ODC1: variants seen among roughly 807,000 people sequenced by gnomAD.
ODC1 encodes ornithine decarboxylase 1.
In ODC1, 18 loss-of-function variants were observed where a neutral mutation model predicts 41.5. The ratio of observed to expected loss-of-function variants is 0.43; its 90% CI spans 0.30 to 0.64. The LOEUF is 0.64. Ranked by LOEUF, ODC1 falls within the 30% of genes least tolerant of loss-of-function variation. ODC1 has a pLI of 0.11. For missense variants in ODC1, 504 were observed against 589.0 expected (o/e 0.86, Z 1.49); for synonymous variants, 218 against 211.6 (o/e 1.03, Z -0.26).
rs1401024355 is a variant in ODC1 at position 10,441,850 on chromosome 2, A to G, written c.993T>C (p.Tyr331=). The G allele has an allele frequency of 1.9e-6, 3 of 1,614,204 alleles. No homozygotes were observed. Among genetic ancestry groups the G allele is most frequent in the Middle Eastern group, 1.6e-4 (1 of 6,062 alleles). The change falls in exon 10 of 12, where the codon TAT becomes TAC. Residue 331 remains tyrosine (Y), a synonymous_variant. Transcript: ENST00000234111. ...GAAGGGGCTTTACATGTGCGTGGTC[A>G]TAGAGTATGCAATTAAATGATCCAT... ...GVYGSFNCIL[Y]DHAHVKPLLQ...
At position 10,445,182 on chromosome 2, in the gene ODC1, G is replaced by A; in HGVS notation, c.-45C>T. 1 of 581,526 alleles carries A rather than the reference G, an allele frequency of 1.7e-6. No homozygotes were observed. Among genetic ancestry groups the A allele is most frequent in the South Asian group, 2.0e-5 (1 of 49,386 alleles). The allele number at this position is 581,526 out of a possible 1,614,324, so 36.0% of individuals were successfully genotyped here. ...GGAAAACTAAGAGATGGAATTGAAA[G>A]AAATATTTCCAGCTTCTCACAAAGG... On this transcript the variant is annotated 5_prime_UTR_variant, in exon 2 of 12. Coordinates refer to ENST00000234111, the MANE Select transcript of ODC1 (RefSeq NM_002539.3).
intron 3 of ODC1, 50 bp downstream of exon 3, chr2:10,444,881 C>T: frequency 7.3e-7 from 1 of 1,372,660 alleles, no homozygotes; most frequent in South Asian, 1.2e-5. Flanking sequence ...AAGTTTTCCA[C>T]TTGCCTGGCA....
chr2:10,444,470 T>C lies in ODC1; in HGVS notation c.276+4A>G. The C allele has an allele frequency of 6.2e-7, 1 of 1,604,844 alleles. No homozygotes were observed. Among genetic ancestry groups the C allele is most frequent in the South Asian group, 1.1e-5 (1 of 89,930 alleles). On this transcript the variant is annotated splice_donor_region_variant and intron_variant, in intron 4 of 11. Coordinates refer to ENST00000234111, the MANE Select transcript of ODC1 (RefSeq NM_002539.3). ...CGCTTTTGAGGCCTGCTGCTATCGC[T>C]TACCTTGCTAGCACAGTCAAATCCT...
At chr2:10,444,769 ATGAG>A (rs1671953413) in intron 3 of ODC1, 122 bp from the exon 4 acceptor site, 5 of 890,614 alleles carry the variant, frequency 5.6e-6, no homozygotes, top group Non-Finnish European at 8.8e-6. Flanking sequence ...AGCCACTGAT[ATGAG>A]TATCACCATT....
chr2:10,447,550 TTAAA>T (rs1672066433), intron 1 of ODC1: 1 of 152,290 alleles, frequency 6.6e-6, no homozygotes, highest in African/African-American at 2.4e-5. Context: ...TTCACAGTCC[TTAAA>T]TAAACACCTC....
chr2:10,446,780 C>G (rs942766598), intron 1 of ODC1: 10 of 439,154 alleles, frequency 2.3e-5, no homozygotes, highest in Non-Finnish European at 4.0e-5. Flanking sequence ...TTCGGGGACA[C>G]AGTTTGCTCT....
At chr2:10,441,950 T>A in intron 9 of ODC1, 21 bp from the exon 10 acceptor site, 2 of 1,613,484 alleles carry the variant, frequency 1.2e-6, no homozygotes, top group Non-Finnish European at 1.7e-6. Flanking sequence ...AGATCAACAA[T>A]CTTAATGACT....
chr2:10,442,019 G>A lies in ODC1; in HGVS notation c.906C>T (p.Gly302=), dbSNP rs1047415770. 2.5e-6 allele frequency: 4 copies of A among 1,613,402 alleles called. No individual in the cohort carries two copies. The highest frequency in any genetic ancestry group is 3.4e-6 in the Non-Finnish European group (4 of 1,179,586). ...AKKIVLKEQT[G]SDDEDESSEQ... ...TTCGTCCTTTATACATACCATCAGA[G>A]CCCGTCTGTTCCTTTAATACAATTT... The change falls in exon 9 of 12, where the codon GGC becomes GGT. Residue 302 remains glycine, a synonymous_variant. Coordinates refer to ENST00000234111, the MANE Select transcript of ODC1 (RefSeq NM_002539.3).
rs189035164 is a variant in ODC1 at position 10,440,941 on chromosome 2, T to C, written c.1242-73A>G. The C allele has an allele frequency of 2.1e-4, 325 of 1,517,854 alleles. 1 individual carries two copies. The Middle Eastern group carries it at 2.7e-3, about 12-fold the overall frequency. The allele number at this position is 1,517,854 out of a possible 1,614,324, so 94.0% of individuals were successfully genotyped here. ...TGGGCATGAGAGTATTTACTTCCCATCAGGAAACAATTCAATGTATTTTTT... is the reference window on the plus strand; with the variant it reads ...TGGGCATGAGAGTATTTACTTCCCACCAGGAAACAATTCAATGTATTTTTT... On this transcript the variant is annotated intron_variant, in intron 11 of 11. Coordinates refer to ENST00000234111, the MANE Select transcript of ODC1 (RefSeq NM_002539.3).
chr2:10,443,400 A>G, intron 7 of ODC1, 87 bp from the exon 8 acceptor site: 4 of 1,552,946 alleles, frequency 2.6e-6, no homozygotes, highest in Non-Finnish European at 3.6e-6. Flanking sequence ...GTAATACAGA[A>G]CCAACTGCCA....
At position 10,443,552 on chromosome 2, in the gene ODC1, A is replaced by C; in HGVS notation, c.604T>G (p.Cys202Gly). The C allele has an allele frequency of 6.2e-7, 1 of 1,613,856 alleles. No individual in the cohort carries two copies. Among genetic ancestry groups the C allele is most frequent in the Non-Finnish European group, 8.5e-7 (1 of 1,179,796 alleles). ...TGCACGAAGGTCTCAGGATCGGTAC[A>C]GCCGCTTCCTACATGGAAGCTGGGG... ...VGVSFHVGSG[C>G]TDPETFVQAI... The change falls in exon 7 of 12, where the codon TGT (cysteine) becomes GGT (glycine). Residue 202 changes from cysteine to glycine, a missense_variant. This residue lies in a region of ODC1 where 447 missense variants were observed against 524.4 expected (regional missense o/e 0.85). Transcript: ENST00000234111.
chr2:10,443,854 G>T lies in ODC1; in HGVS notation c.450-18C>A. 1 of 1,612,362 alleles carries T rather than the reference G, an allele frequency of 6.2e-7. No homozygotes were observed. The highest frequency in any genetic ancestry group is 1.1e-5 in the South Asian group (1 of 91,012). ...AAACCAACCTACAAGCAAGGAAAGT[G>T]CAGCAAATGTCTCATGATAGATGTT... On this transcript the variant is annotated intron_variant, in intron 5 of 11. Transcript: ENST00000234111.
At chr2:10,443,373 G>A in intron 7 of ODC1, 60 bp from the exon 8 acceptor site, 1 of 1,565,246 alleles carries the variant, frequency 6.4e-7, no homozygotes, top group Non-Finnish European at 8.8e-7. Flanking sequence ...GTATGCAGCA[G>A]ATAGGCTGAA....
At chr2:10,447,057 T>C (rs564977849) in intron 1 of ODC1, among the ~76,000 whole-genome samples, 1 of 152,238 alleles carries the variant, frequency 6.6e-6, no homozygotes, top group Non-Finnish European at 1.5e-5. Flanking sequence ...ACTGGGTCAT[T>C]TGAGGCCTTA....
intron 8 of ODC1, 149 bp from the exon 9 acceptor site, chr2:10,442,323 T>C (rs1671857447): frequency 1.3e-6 from 1 of 784,276 alleles, no homozygotes; most frequent in African/African-American, 1.7e-5. Flanking sequence ...CAAAAAAACA[T>C]CAACATCTCC....
In ODC1 at chr2:10,440,509, G is replaced by T. The variant is rs891599932; in HGVS notation, c.*215C>A. On this transcript the variant is annotated 3_prime_UTR_variant, in exon 12 of 12. Transcript: ENST00000234111. Reference sequence around the variant, plus strand: ...AGGGGCACTCTTGAGTAGCGTGTCTGAAGAGTGAATAAAAATCCATATAAA... The same window carrying T: ...AGGGGCACTCTTGAGTAGCGTGTCTTAAGAGTGAATAAAAATCCATATAAA... The T allele has an allele frequency of 2.1e-6, 1 of 475,824 alleles. No homozygotes were observed. The highest frequency in any genetic ancestry group is 3.7e-6 in the Non-Finnish European group (1 of 270,124). The allele number at this position is 475,824 out of a possible 1,614,324, so 29.5% of individuals were successfully genotyped here.
intron 5 of ODC1, 75 bp from the exon 6 acceptor site, chr2:10,443,911 C>T (rs2148069649): frequency 1.3e-6 from 2 of 1,585,552 alleles, no homozygotes; most frequent in East Asian, 4.5e-5. Flanking sequence ...TAAAAACAAT[C>T]CTGTTCTAAA....
chr2:10,446,143 T>C (rs918122425), intron 1 of ODC1, among the ~76,000 whole-genome samples: 2 of 151,614 alleles, frequency 1.3e-5, no homozygotes, highest in Non-Finnish European at 2.9e-5. Context: ...TTTTTTTTTT[T>C]TTTTTTTGAG....
intron 8 of ODC1, among the ~76,000 whole-genome samples, chr2:10,442,671 C>G (rs1671869800): frequency 6.6e-6 from 1 of 151,996 alleles, no homozygotes; most frequent in Admixed American, 6.5e-5. Flanking sequence ...TGATGATGTG[C>G]TACAGTCAGC....
Sources: allele counts gnomAD v4.1 joint callset (sites outside exome capture counted in the v4.1 genomes callset), GRCh38; gene constraint gnomAD v4.1.1; regional missense constraint gnomAD v4.1.1; transcripts MANE v1.5; gene names NCBI Gene and HGNC (gene_info 2026-07-23, HGNC 2026-07-21).